The following FANCM variants were observed in gnomAD, a reference collection of about 807,000 sequenced individuals.
FANCM encodes the protein FA complementation group M.
In FANCM, 140 loss-of-function variants were observed where a neutral mutation model predicts 199.5. The observed-to-expected ratio is 0.70, with a 90% confidence interval of 0.61 to 0.81. The LOEUF (loss-of-function observed/expected upper bound fraction) is 0.81, where lower values mean the gene tolerates loss of function less well. Among genes scored for constraint, FANCM ranks in the 30% least tolerant of loss-of-function variants. The probability of loss-of-function intolerance (pLI) is 0.00; values close to 1 mark genes in which losing one functional copy is unlikely to be tolerated. For synonymous variants in FANCM, 840 were observed against 836.8 expected (o/e 1.00, Z -0.07); for missense variants, 2,410 against 2,421.4 (o/e 1.00, Z 0.10).
chr14:45,162,123 C>T (rs552174726), intron 9 of FANCM, among the ~76,000 whole-genome samples: 30 of 152,284 alleles, frequency 2.0e-4, no homozygotes, highest in African/African-American at 2.4e-4. Flanking sequence ...TGGTGGCTCA[C>T]GCCTATATTC....
chr14:45,196,498 T>A lies in FANCM; in HGVS notation c.5667T>A (p.Ser1889Arg). 6.2e-7 allele frequency: 1 copy of A among 1,613,950 alleles called. No individual in the cohort carries two copies. Among genetic ancestry groups the A allele is most frequent in the Non-Finnish European group, 8.5e-7 (1 of 1,179,948 alleles). The change falls in exon 21 of 23, where the codon AGT becomes AGA. Residue 1889 changes from serine to arginine, a missense_variant. Coordinates refer to ENST00000267430, the MANE Select transcript of FANCM (RefSeq NM_020937.4). ...KFIEQIQHLQSMFERICVIVE... is the reference protein window; with the variant it reads ...KFIEQIQHLQRMFERICVIVE... ...TTGAGCAGATCCAGCACCTGCAGAG[T>A]ATGTTTGAAAGAATATGTGTGATTG...
chr14:45,146,008 G>A (rs1244659071), intron 3 of FANCM, among the ~76,000 whole-genome samples: 3 of 146,200 alleles, frequency 2.1e-5, no homozygotes, highest in South Asian at 2.2e-4. Context: ...GCAGTGAGCC[G>A]AGATCCCGCC....
At position 45,189,243 on chromosome 14, in the gene FANCM, A is replaced by G. The variant is rs1889611187; in HGVS notation, c.5221A>G (p.Thr1741Ala). 1 of 1,613,994 alleles carries G rather than the reference A, an allele frequency of 6.2e-7. No individual in the cohort carries two copies. The highest frequency in any genetic ancestry group is 1.3e-5 in the African/African-American group (1 of 74,924). The change falls in exon 20 of 23, where the codon ACA becomes GCA. Residue 1741 changes from threonine to alanine, a missense_variant. Physicochemically the swap from Thr to Ala is moderately conservative, Grantham distance 58. Transcript: ENST00000267430. Reference sequence around the variant, plus strand: ...ACAGACATCGCTGAATTTAAAGGATACAATTTCCGAAGTCTCAGACTTCAA... The same window carrying G: ...ACAGACATCGCTGAATTTAAAGGATGCAATTTCCGAAGTCTCAGACTTCAA... ...SKQTSLNLKDTISEVSDFKPQ... is the reference protein window; with the variant it reads ...SKQTSLNLKDAISEVSDFKPQ...
chr14:45,138,970 T>C (rs902980863), intron 2 of FANCM, among the ~76,000 whole-genome samples: 1 of 152,240 alleles, frequency 6.6e-6, no homozygotes, highest in East Asian at 1.9e-4. Flanking sequence ...TATTGATACA[T>C]GTGCCATATA....
chr14:45,139,670 T>G (rs1247435150), intron 2 of FANCM, among the ~76,000 whole-genome samples: 1 of 152,232 alleles, frequency 6.6e-6, no homozygotes, highest in Non-Finnish European at 1.5e-5. Context: ...TATTTTTTAA[T>G]GAATACACTT....
chr14:45,194,813 T>G (rs1253903658), intron 20 of FANCM, among the ~76,000 whole-genome samples: 2 of 138,668 alleles, frequency 1.4e-5, no homozygotes, highest in Non-Finnish European at 3.1e-5. Context: ...AGGTTGTGCC[T>G]TTTTTTTTTT....
At chr14:45,180,374 AGACCTTG>A (rs1888988035) in intron 14 of FANCM, among the ~76,000 whole-genome samples, 1 of 151,878 alleles carries the variant, frequency 6.6e-6, no homozygotes, top group Non-Finnish European at 1.5e-5. Flanking sequence ...TGTTAGTAGG[AGACCTTG>A]GTTTCTTGCC....
rs113201442 is a variant in FANCM, at chr14:45,187,600, A to G, written c.4673-181A>G. ...TAGAAAATCTGATTTCAAAGGCTAA[A>G]CTCCTAACTTTATATTTTTGAATAA... is the stretch of plus-strand genomic sequence containing the variant. On this transcript the variant is annotated intron_variant, in intron 18 of 22. Transcript: ENST00000267430. Among the ~76,000 whole-genome samples the G allele has an allele frequency of 5.9e-5, 9 of 152,130 alleles. 1 individual carries two copies. The highest frequency in any genetic ancestry group is 2.0e-4 in the Admixed American group (3 of 15,290).
rs759330743 is a variant in FANCM, at chr14:45,159,178, A to G, written c.1479A>G (p.Ala493=). Residue 493 remains alanine, a synonymous_variant, in exon 9 of 23, where the codon GCA becomes GCG. Coordinates refer to ENST00000267430, the MANE Select transcript of FANCM (RefSeq NM_020937.4). ...SSFRDSVQEI[A]EMLSQHQPII... ...TTCGAGATAGTGTTCAAGAAATTGC[A>G]GAAATGCTTTCACAGCATCAGCCAA... 6 of 1,613,270 alleles carry G rather than the reference A, an allele frequency of 3.7e-6. No homozygotes were observed. In the Admixed American group the frequency reaches 8.3e-5, roughly 22 times the overall value.
In FANCM at chr14:45,187,927, T is replaced by A. The variant is rs1343330016; in HGVS notation, c.4779+40T>A. On this transcript the variant is annotated intron_variant, in intron 19 of 22. Coordinates refer to ENST00000267430, the MANE Select transcript of FANCM (RefSeq NM_020937.4). Reference sequence around the variant, plus strand: ...AATATAATGGAGAATTTCTGGATGATGATGTTGAAATATGTTCCTGTTAGT... The same window carrying A: ...AATATAATGGAGAATTTCTGGATGAAGATGTTGAAATATGTTCCTGTTAGT... The A allele has an allele frequency of 3.9e-6, 4 of 1,023,182 alleles. No homozygotes were observed. The East Asian group carries it at 9.8e-5, about 25-fold the overall frequency. The allele number at this position is 1,023,182 out of a possible 1,614,324, so 63.4% of individuals were successfully genotyped here.
At chr14:45,149,440 A>G (rs1353947739) in intron 4 of FANCM, among the ~76,000 whole-genome samples, 2 of 152,038 alleles carry the variant, frequency 1.3e-5, no homozygotes, top group Admixed American at 6.6e-5. Flanking sequence ...TTTTTTGTTC[A>G]GCTCACTGCA....
chr14:45,173,283 A>G, intron 13 of FANCM, 73 bp downstream of exon 13: 2 of 1,317,090 alleles, frequency 1.5e-6, no homozygotes, highest in South Asian at 2.4e-5. Flanking sequence ...ATTTTTCTTA[A>G]TTTGAAGTAA....
chr14:45,142,549 A>G (rs1232810666), intron 3 of FANCM, among the ~76,000 whole-genome samples: 1 of 151,362 alleles, frequency 6.6e-6, no homozygotes, highest in Non-Finnish European at 1.5e-5. Flanking sequence ...CTCGTGATCC[A>G]CCCGCCCCGG....
intron 4 of FANCM, 86 bp from the exon 5 acceptor site, chr14:45,151,311 A>G: frequency 9.3e-7 from 1 of 1,075,062 alleles, no homozygotes; most frequent in South Asian, 1.4e-5. Flanking sequence ...TAAATATATA[A>G]TTCCTATTTT....
chr14:45,137,006 C>A (rs772770014), intron 1 of FANCM, 63 bp from the exon 2 acceptor site: 90 of 1,253,936 alleles, frequency 7.2e-5, no homozygotes, highest in Non-Finnish European at 9.9e-5. Context: ...AAAAGCCAGA[C>A]TATTTATATT....
chr14:45,165,548 C>T (rs1320488843), intron 10 of FANCM, among the ~76,000 whole-genome samples: 1 of 151,826 alleles, frequency 6.6e-6, no homozygotes, highest in Non-Finnish European at 1.5e-5. Flanking sequence ...ACTCCATCTC[C>T]AGAAAGAAAA....
chr14:45,176,205 C>G lies in FANCM; in HGVS notation c.3451C>G (p.Pro1151Ala). 6.2e-7 allele frequency: 1 copy of G among 1,614,080 alleles called. No homozygotes were observed. The highest frequency in any genetic ancestry group is 8.5e-7 in the Non-Finnish European group (1 of 1,179,968). Reference protein sequence around the residue: ...NTEFDDVSLSPLNSKSESLPV... With the variant: ...NTEFDDVSLSALNSKSESLPV... Reference sequence around the variant, plus strand: ...AGAGTTCGACGATGTGAGTCTTTCACCCTTGAACAGTAAAAGCGAATCTTT... The same window carrying G: ...AGAGTTCGACGATGTGAGTCTTTCAGCCTTGAACAGTAAAAGCGAATCTTT... The change falls in exon 14 of 23, where the codon CCC becomes GCC. Residue 1151 changes from proline (P) to alanine (A), a missense_variant. Physicochemically the swap from Pro to Ala is conservative, Grantham distance 27. Coordinates refer to ENST00000267430, the MANE Select transcript of FANCM (RefSeq NM_020937.4).
chr14:45,138,573 G>T (rs1387794692), intron 2 of FANCM, among the ~76,000 whole-genome samples: 1 of 152,124 alleles, frequency 6.6e-6, no homozygotes, highest in African/African-American at 2.4e-5. Flanking sequence ...TTTGAGATCA[G>T]CTTGGGCAAC....
Position 45,175,336 on chromosome 14 carries a change from T to G in FANCM, c.2582T>G (p.Ile861Arg), listed in dbSNP as rs901858017. Residue 861 changes from isoleucine (I) to arginine (R), a missense_variant, in exon 14 of 23, where the codon ATA becomes AGA. Physicochemically the swap from Ile to Arg is moderately conservative, Grantham distance 97 (BLOSUM62 -3). Transcript: ENST00000267430. ...TTAAAGAAAAAAGTGTCTAAAGAAA[T>G]AAAAAAAGATCAGCTTAAAAAAGAA... ...VSLKKKVSKE[I>R]KKDQLKKENN... 1.3e-6 allele frequency: 2 copies of G among 1,555,718 alleles called. No individual in the cohort carries two copies. Among genetic ancestry groups the G allele is most frequent in the Admixed American group, 2.0e-5 (1 of 49,476 alleles).
Sources: gnomAD v4.1 joint callset for allele counts (sites outside exome capture counted in the v4.1 genomes callset) on GRCh38, gnomAD v4.1.1 for gene constraint, MANE v1.5 for transcripts, NCBI Gene and HGNC (gene_info 2026-07-23, HGNC 2026-07-21) for gene names.